The following TENM3 variants were observed in gnomAD, a reference collection of about 807,000 sequenced individuals.
The protein encoded by TENM3 is teneurin transmembrane protein 3, also known as teneurin-3.
Under a neutral mutation model 255.1 loss-of-function variants are expected in TENM3, and 63 were observed. The ratio of observed to expected loss-of-function variants is 0.25; its 90% CI spans 0.20 to 0.30. The LOEUF (loss-of-function observed/expected upper bound fraction) is 0.30, where lower values mean the gene tolerates loss of function less well. Among genes scored for constraint, TENM3 ranks in the 10% least tolerant of loss-of-function variants. The probability of loss-of-function intolerance (pLI) is 1.00; values close to 1 mark genes in which losing one functional copy is unlikely to be tolerated. For synonymous variants in TENM3, 1,306 were observed against 1,322.3 expected, an observed-to-expected ratio of 0.99 and a Z score of 0.27; for missense variants, 2,929 against 3,461.1, an observed-to-expected ratio of 0.85 and a Z score of 3.86.
chr4:181,484,756 G>T, the TENM3 span, among the ~76,000 whole-genome samples: 1 of 152,156 alleles, frequency 6.6e-6, no homozygotes, highest in South Asian at 2.1e-4. Flanking sequence ...TAGCCTAACA[G>T]ATGAATTAAT....
chr4:182,569,527 C>G (rs910767692), intron 3 of TENM3, among the ~76,000 whole-genome samples: 58 of 150,612 alleles, frequency 3.9e-4, no homozygotes, highest in Non-Finnish European at 3.8e-4. Flanking sequence ...GCACTCCAGC[C>G]TGGGCAACAG....
At chr4:181,948,406 A>G in the TENM3 span, among the ~76,000 whole-genome samples, 1 of 152,078 alleles carries the variant, frequency 6.6e-6, no homozygotes, top group African/African-American at 2.4e-5. Context: ...TATTTTTTAT[A>G]TAATAGAAAA....
intron 1 of TENM3, among the ~76,000 whole-genome samples, chr4:182,176,951 A>C (rs1422484831): frequency 1.3e-5 from 2 of 151,136 alleles, no homozygotes; most frequent in African/African-American, 4.9e-5. Flanking sequence ...CTGGAATTAC[A>C]GGCATGAGCC....
chr4:182,150,074 G>A (rs1446668214), intron 1 of TENM3, among the ~76,000 whole-genome samples: 2 of 151,958 alleles, frequency 1.3e-5, no homozygotes, highest in Non-Finnish European at 2.9e-5. Flanking sequence ...TTCTGTTAGA[G>A]TAGTTGGGGA....
intron 3 of TENM3, among the ~76,000 whole-genome samples, chr4:182,397,707 C>T (rs1768940595): frequency 6.6e-6 from 1 of 152,172 alleles, no homozygotes; most frequent in Admixed American, 6.5e-5. Context: ...TGGTTCTCAA[C>T]CTTCGGTGAG....
intron 1 of TENM3, among the ~76,000 whole-genome samples, chr4:182,301,121 A>G (rs1486802126): frequency 6.6e-6 from 1 of 152,216 alleles, no homozygotes; most frequent in East Asian, 1.9e-4. Flanking sequence ...AGGTATATAC[A>G]TGTTTCCTTT....
intron 3 of TENM3, among the ~76,000 whole-genome samples, chr4:182,570,922 C>G (rs1199454681): frequency 6.6e-6 from 1 of 152,062 alleles, no homozygotes; most frequent in East Asian, 1.9e-4. Flanking sequence ...TATCCTGGGT[C>G]ACACTGTGAG....
At chr4:182,225,450 G>A (rs1756089809) in intron 1 of TENM3, among the ~76,000 whole-genome samples, 2 of 152,138 alleles carry the variant, frequency 1.3e-5, no homozygotes, top group African/African-American at 4.8e-5. Flanking sequence ...CAGTCCGATG[G>A]GCAAAACAGA....
the TENM3 span, among the ~76,000 whole-genome samples, chr4:181,914,424 A>G: frequency 3.3e-5 from 5 of 152,176 alleles, no homozygotes; most frequent in East Asian, 7.7e-4. Context: ...AGAACTTTTC[A>G]GGGGTTGCTA....
At chr4:182,534,156 T>C (rs1740047304) in intron 3 of TENM3, among the ~76,000 whole-genome samples, 1 of 152,178 alleles carries the variant, frequency 6.6e-6, no homozygotes, top group Non-Finnish European at 1.5e-5. Flanking sequence ...GATGACATCA[T>C]AGTACAATAC....
At chr4:182,451,802 G>A (rs973376204) in intron 3 of TENM3, among the ~76,000 whole-genome samples, 2 of 152,168 alleles carry the variant, frequency 1.3e-5, no homozygotes, top group African/African-American at 2.4e-5. Flanking sequence ...TTTCAGCTCT[G>A]ATCAGCAATT....
chr4:181,950,998 C>T, the TENM3 span, among the ~76,000 whole-genome samples: 45,154 of 151,896 alleles, frequency 0.3, 6,932 homozygotes, highest in South Asian at 0.37. Context: ...GCCATGATCA[C>T]GCCACTGCAC....
intron 8 of TENM3, 106 bp downstream of exon 8, chr4:182,679,982 A>AC: frequency 1.0e-6 from 1 of 967,716 alleles, no homozygotes; most frequent in Non-Finnish European, 1.5e-6. Flanking sequence ...TAGGGTGTTA[A>AC]AGCCCAGGTA....
chr4:182,132,229 C>T, the TENM3 span, among the ~76,000 whole-genome samples: 1 of 152,102 alleles, frequency 6.6e-6, no homozygotes, highest in Non-Finnish European at 1.5e-5. Flanking sequence ...CCTATAATCC[C>T]AGCACTTTGG....
the TENM3 span, among the ~76,000 whole-genome samples, chr4:182,100,694 C>T: frequency 4.2e-4 from 17 of 40,696 alleles, no homozygotes; most frequent in East Asian, 8.4e-4. Context: ...CATATATATA[C>T]ACACATATAT....
At chr4:182,368,093 C>T (rs938570126) in intron 3 of TENM3, among the ~76,000 whole-genome samples, 1 of 152,178 alleles carries the variant, frequency 6.6e-6, no homozygotes, top group Admixed American at 6.5e-5. Flanking sequence ...TTATCCCATG[C>T]ATTTTAGTTA....
intron 1 of TENM3, among the ~76,000 whole-genome samples, chr4:182,147,598 G>A (rs775983273): frequency 6.6e-6 from 1 of 152,174 alleles, no homozygotes; most frequent in Non-Finnish European, 1.5e-5. Flanking sequence ...AACCTGTTAA[G>A]CATGTTGAAT....
chr4:181,887,356 A>G, the TENM3 span, among the ~76,000 whole-genome samples: 1 of 152,192 alleles, frequency 6.6e-6, no homozygotes, highest in Admixed American at 6.5e-5. Context: ...GCTTAATGAT[A>G]GACTTGACAA....
the TENM3 span, among the ~76,000 whole-genome samples, chr4:181,831,057 G>A: frequency 4.0e-5 from 6 of 151,868 alleles, no homozygotes; most frequent in African/African-American, 7.3e-5. Flanking sequence ...CCAAAAAACT[G>A]GTTTTTCATA....
Sources: allele counts gnomAD v4.1 joint callset (sites outside exome capture counted in the v4.1 genomes callset), GRCh38; gene constraint gnomAD v4.1.1; transcripts MANE v1.5; gene names NCBI Gene and HGNC (gene_info 2026-07-23, HGNC 2026-07-21).